Variants in BBS7 observed in about 807,000 individuals in gnomAD.
The protein encoded by BBS7 is BBSome complex member BBS7.
A neutral mutation model predicts 90.3 loss-of-function variants in BBS7; 50 were observed. That is an observed-to-expected ratio of 0.55 (90% CI 0.44 to 0.70). The LOEUF (loss-of-function observed/expected upper bound fraction) is 0.70. Ranked by LOEUF, BBS7 falls within the 30% of genes least tolerant of loss-of-function variation. The pLI is 0.00. For missense variants in BBS7, 729 were observed against 838.9 expected, an observed-to-expected ratio of 0.87 and a Z score of 1.62; for synonymous variants, 235 against 287.4, an observed-to-expected ratio of 0.82 and a Z score of 1.85.
chr4:121,830,305 G>A (rs1725118969), intron 15 of BBS7, among the ~76,000 whole-genome samples: 1 of 152,184 alleles, frequency 6.6e-6, no homozygotes, highest in Admixed American at 6.5e-5. Flanking sequence ...GGAGGCTAAG[G>A]CATTAGAATC....
In BBS7 at chr4:121,859,128, T is replaced by C; in HGVS notation, c.392A>G (p.His131Arg). The C allele has an allele frequency of 6.2e-7, 1 of 1,613,854 alleles. No homozygotes were observed. The highest frequency in any genetic ancestry group is 8.5e-7 in the Non-Finnish European group (1 of 1,179,844). The change falls in exon 5 of 19, where the codon CAT (histidine) becomes CGT (arginine). Residue 131 changes from histidine (H) to arginine (R), a missense_variant. By Grantham distance (29) the His-to-Arg change is conservative. Coordinates refer to ENST00000264499, the MANE Select transcript of BBS7 (RefSeq NM_176824.3). ...LFLSASYIYNHYCDCKDQHYY... is the reference protein window; with the variant it reads ...LFLSASYIYNRYCDCKDQHYY... ...ATGTTGGTCTTTGCAGTCACAATAA[T>C]GGTTATAGATGTAACTTGCACTGAG... is the stretch of plus-strand genomic sequence containing the variant.
At chr4:121,870,126 A>G (rs989390779) in intron 1 of BBS7, 152 bp downstream of exon 1, 1 of 890,982 alleles carries the variant, frequency 1.1e-6, no homozygotes, top group Non-Finnish European at 1.8e-6. Context: ...GGAGCTGCCC[A>G]AAGGCGGGGT....
Position 121,852,943 on chromosome 4 carries a change from T to A in BBS7, c.849+13A>T. The A allele has an allele frequency of 6.2e-7, 1 of 1,612,956 alleles. No homozygotes were observed. The highest frequency in any genetic ancestry group is 8.5e-7 in the Non-Finnish European group (1 of 1,179,192). On this transcript the variant is annotated intron_variant, in intron 8 of 18. Coordinates refer to ENST00000264499, the MANE Select transcript of BBS7 (RefSeq NM_176824.3). ...ACAAATAATAAGCATATAGTCTTTT[T>A]TAATGAACTTACCTGATCAAATCGT...
In BBS7 at chr4:121,839,577, G is replaced by A. The variant is rs1452293345; in HGVS notation, c.1371+54C>T. The A allele has an allele frequency of 1.0e-5, 14 of 1,358,818 alleles. No individual in the cohort carries two copies. The African/African-American group carries it at 1.9e-4, about 18-fold the overall frequency. The allele number at this position is 1,358,818 out of a possible 1,614,324, so 84.2% of individuals were successfully genotyped here. A position where few individuals can be genotyped will look rare whatever the true frequency, so the allele number is the denominator to read the frequency against. On this transcript the variant is annotated intron_variant, in intron 13 of 18. Coordinates refer to ENST00000264499, the MANE Select transcript of BBS7 (RefSeq NM_176824.3). The stretch of plus-strand genomic sequence containing the variant: ...ATATCATATGTTGTAAGACATACCA[G>A]CAGGAAAAAGGAAATTCAAACATTC...
intron 1 of BBS7, among the ~76,000 whole-genome samples, chr4:121,869,372 A>T (rs1305037491): frequency 5.3e-5 from 8 of 152,196 alleles, no homozygotes; most frequent in African/African-American, 1.9e-4. Context: ...TTTGATTCAA[A>T]TAGCCACTCC....
rs993756584 is a variant in BBS7, at chr4:121,868,189, T to A, written c.37-143A>T. ...TTAATTTATTTTCTAATGAGATATGTCATATTAGTCAGAATACATATAGGA... is the reference window on the plus strand; with the variant it reads ...TTAATTTATTTTCTAATGAGATATGACATATTAGTCAGAATACATATAGGA... On this transcript the variant is annotated intron_variant, in intron 1 of 18. Coordinates refer to ENST00000264499, the MANE Select transcript of BBS7 (RefSeq NM_176824.3). The A allele has an allele frequency of 1.2e-5, 9 of 746,462 alleles. No individual in the cohort carries two copies. The African/African-American group carries it at 1.4e-4, about 12-fold the overall frequency. The allele number at this position is 746,462 out of a possible 1,614,324, so 46.2% of individuals were successfully genotyped here. A position where few individuals can be genotyped will look rare whatever the true frequency, so the allele number is the denominator to read the frequency against.
chr4:121,870,405 G>A lies in BBS7; in HGVS notation c.-92C>T, dbSNP rs1003742983. ...AGGCCTCCGACCCAGTCAGAAGGCT[G>A]CCCGCGCCCCTCAAAAGCCAGCCCC... is the stretch of plus-strand genomic sequence containing the variant. On this transcript the variant is annotated 5_prime_UTR_variant, in exon 1 of 19. Transcript: ENST00000264499. The A allele has an allele frequency of 6.7e-7, 1 of 1,487,076 alleles. No homozygotes were observed. The highest frequency in any genetic ancestry group is 1.4e-5 in the African/African-American group (1 of 72,342). The allele number at this position is 1,487,076 out of a possible 1,614,324, so 92.1% of individuals were successfully genotyped here.
rs764378275 is a variant in BBS7 at position 121,824,556 on chromosome 4, A to G, written c.*1304T>C. 19 of 152,190 alleles carry G rather than the reference A, an allele frequency of 1.2e-4. No individual in the cohort carries two copies. Among genetic ancestry groups the G allele is most frequent in the Admixed American group, 2.0e-4 (3 of 15,288 alleles). 9.4% of individuals were successfully genotyped at this position (152,190 alleles called of 1,614,324 possible). On this transcript the variant is annotated 3_prime_UTR_variant, in exon 19 of 19. Transcript: ENST00000264499. The surrounding 1 kb of genome is among the most constrained non-coding windows in gnomAD (Gnocchi z 4.1). ...TGGCACCTTGAACTACTGTTGATAT[A>G]TATAATAAATAGCAGTGCATTACAA...
At chr4:121,864,371 A>T (rs1727149430) in intron 2 of BBS7, among the ~76,000 whole-genome samples, 1 of 152,226 alleles carries the variant, frequency 6.6e-6, no homozygotes, top group Non-Finnish European at 1.5e-5. Context: ...CCAAAACAAC[A>T]TAGCACAGCA....
chr4:121,832,071 G>A (rs1409243169), intron 15 of BBS7, among the ~76,000 whole-genome samples: 1 of 150,254 alleles, frequency 6.7e-6, no homozygotes, highest in Non-Finnish European at 1.5e-5. Context: ...GGCCAGGTGT[G>A]GTGGCTCACG....
At chr4:121,854,932 T>A in intron 6 of BBS7, 112 bp from the exon 7 acceptor site, 1 of 1,037,758 alleles carries the variant, frequency 9.6e-7, no homozygotes, top group Middle Eastern at 3.1e-4. Context: ...TAAAAAGATA[T>A]AAAACTTAAT....
chr4:121,863,489 T>C (rs1041079314), intron 2 of BBS7, among the ~76,000 whole-genome samples: 3 of 152,090 alleles, frequency 2.0e-5, no homozygotes, highest in Non-Finnish European at 4.4e-5. Flanking sequence ...TAATTGGCCA[T>C]AGATTTTGTT....
intron 12 of BBS7, 124 bp downstream of exon 12, chr4:121,843,803 G>C: frequency 1.4e-6 from 1 of 712,202 alleles, no homozygotes; most frequent in Non-Finnish European, 2.4e-6. Flanking sequence ...AGATTTTGAA[G>C]GAAAGGTTAC....
At chr4:121,865,481 C>T (rs575846941) in intron 2 of BBS7, among the ~76,000 whole-genome samples, 7 of 152,122 alleles carry the variant, frequency 4.6e-5, no homozygotes, top group African/African-American at 7.2e-5. Context: ...TCAGGTGATC[C>T]GCCCGCCTCA....
intron 12 of BBS7, 67 bp downstream of exon 12, chr4:121,843,860 A>G: frequency 9.7e-7 from 1 of 1,028,684 alleles, no homozygotes; most frequent in Non-Finnish European, 1.5e-6. Context: ...CAGCATCTAT[A>G]GACTTTAATC....
At chr4:121,827,888 T>A in intron 18 of BBS7, 1 of 1,181,676 alleles carries the variant, frequency 8.5e-7, no homozygotes. Flanking sequence ...TTCATATATA[T>A]AGATTAATTC....
At position 121,843,905 on chromosome 4, in the gene BBS7, ATTCTT is replaced by A. The variant is rs2149066719; in HGVS notation, c.1305+17_1305+21del. The A allele has an allele frequency of 6.6e-7, 1 of 1,512,338 alleles. No individual in the cohort carries two copies. Among genetic ancestry groups the A allele is most frequent in the Non-Finnish European group, 9.1e-7 (1 of 1,096,338 alleles). The allele number at this position is 1,512,338 out of a possible 1,614,324, so 93.7% of individuals were successfully genotyped here. A position where few individuals can be genotyped will look rare whatever the true frequency, so the allele number is the denominator to read the frequency against. ...TAATAGAAATGAAAGCATGTGAAGA[ATTCTT>A]TTATATTTTTACTCACCTCAGAATC... On this transcript the variant is annotated intron_variant, in intron 12 of 18. Coordinates refer to ENST00000264499, the MANE Select transcript of BBS7 (RefSeq NM_176824.3).
intron 5 of BBS7, among the ~76,000 whole-genome samples, chr4:121,857,121 C>CTG (rs2149082864): frequency 7.0e-6 from 1 of 143,574 alleles, no homozygotes; most frequent in East Asian, 2.0e-4. Flanking sequence ...TATGCTTTAT[C>CTG]TTTTTTTTTT....
rs562356143 is a variant in BBS7 at position 121,870,320 on chromosome 4, T to C, written c.-7A>G. On this transcript the variant is annotated 5_prime_UTR_variant, in exon 1 of 19. Coordinates refer to ENST00000264499, the MANE Select transcript of BBS7 (RefSeq NM_176824.3). ...GGTTTAAAATCAGATCCATGATGAC[T>C]ACGCGGAGGGGCTAAGCAGCGCCGG... 1.2e-6 allele frequency: 2 copies of C among 1,614,146 alleles called. No homozygotes were observed. The highest frequency in any genetic ancestry group is 3.3e-5 in the Admixed American group (2 of 60,032).
Sources: gnomAD v4.1 joint callset for allele counts (sites outside exome capture counted in the v4.1 genomes callset) on GRCh38, gnomAD v4.1.1 for gene constraint, Gnocchi (gnomAD v3.1) non-coding constraint, MANE v1.5 for transcripts, NCBI Gene and HGNC (gene_info 2026-07-23, HGNC 2026-07-21) for gene names.